The following SORCS3 variants were observed in gnomAD, a reference collection of about 807,000 sequenced individuals.
SORCS3 encodes sortilin related VPS10 domain containing receptor 3, also known as VPS10 domain-containing receptor SorCS3.
A neutral mutation model predicts 146.3 loss-of-function variants in SORCS3; 57 were observed. The observed-to-expected ratio is 0.39, with a 90% confidence interval of 0.31 to 0.49. SORCS3 has a LOEUF of 0.49. Ranked by LOEUF, SORCS3 falls within the 20% of genes least tolerant of loss-of-function variation. SORCS3 has a pLI of 0.92. For missense variants in SORCS3, 1,341 were observed against 1,575.5 expected, an observed-to-expected ratio of 0.85 and a Z score of 2.52; for synonymous variants, 653 against 618.5, an observed-to-expected ratio of 1.06 and a Z score of -0.83.
chr10:104,963,696 C>A (rs1356502535), intron 3 of SORCS3, among the ~76,000 whole-genome samples: 1 of 152,124 alleles, frequency 6.6e-6, no homozygotes, highest in Non-Finnish European at 1.5e-5. Flanking sequence ...TGCTCTTCTA[C>A]TTAACGTCTC....
chr10:104,804,928 T>G (rs1420818482), intron 1 of SORCS3, among the ~76,000 whole-genome samples: 3 of 152,216 alleles, frequency 2.0e-5, no homozygotes, highest in African/African-American at 7.2e-5. Flanking sequence ...CATTCACTTG[T>G]GCATTGATGT....
intron 1 of SORCS3, among the ~76,000 whole-genome samples, chr10:104,777,821 G>A (rs2017326981): frequency 1.3e-5 from 2 of 152,142 alleles, no homozygotes; most frequent in South Asian, 4.2e-4. Flanking sequence ...ATCATTTTAA[G>A]GGTGATGGAT....
At chr10:104,839,430 T>C (rs2018112042) in intron 1 of SORCS3, among the ~76,000 whole-genome samples, 1 of 152,114 alleles carries the variant, frequency 6.6e-6, no homozygotes, top group South Asian at 2.1e-4. Flanking sequence ...AGTGATACAA[T>C]GATAGAGCAT....
At chr10:105,009,069 CTA>C (rs1189539815) in intron 4 of SORCS3, among the ~76,000 whole-genome samples, 46 of 152,292 alleles carry the variant, frequency 3.0e-4, no homozygotes, top group African/African-American at 1.1e-3. Flanking sequence ...TGAGCAGTTA[CTA>C]TATGTCAGTC....
At chr10:104,992,586 G>C (rs2133663957) in intron 4 of SORCS3, among the ~76,000 whole-genome samples, 1 of 152,280 alleles carries the variant, frequency 6.6e-6, no homozygotes, top group Non-Finnish European at 1.5e-5. Context: ...CTTTAGCTCA[G>C]CACATGAAGC....
intron 1 of SORCS3, among the ~76,000 whole-genome samples, chr10:104,803,330 A>G (rs899183136): frequency 1.5e-4 from 23 of 152,160 alleles, no homozygotes; most frequent in Admixed American, 4.6e-4. Context: ...AGTCTCTGTT[A>G]CAGATCCCAA....
chr10:105,033,593 A>G (rs897029909), intron 4 of SORCS3, among the ~76,000 whole-genome samples: 2 of 152,206 alleles, frequency 1.3e-5, no homozygotes, highest in Non-Finnish European at 2.9e-5. Flanking sequence ...TGGAGTTTTG[A>G]TGCATAAGTG....
chr10:104,679,662 A>T (rs2015949088), intron 1 of SORCS3, among the ~76,000 whole-genome samples: 1 of 152,144 alleles, frequency 6.6e-6, no homozygotes, highest in Non-Finnish European at 1.5e-5. Flanking sequence ...TAAGTACTGG[A>T]TTTTGCCTTG....
At chr10:104,681,102 C>T (rs2015968013) in intron 1 of SORCS3, among the ~76,000 whole-genome samples, 1 of 152,252 alleles carries the variant, frequency 6.6e-6, no homozygotes, top group African/African-American at 2.4e-5. Context: ...ATGCCGGTCT[C>T]CCTGCTTTCC....
At chr10:104,767,229 T>C (rs1432297890) in intron 1 of SORCS3, among the ~76,000 whole-genome samples, 1 of 152,182 alleles carries the variant, frequency 6.6e-6, no homozygotes, top group African/African-American at 2.4e-5. Context: ...AGGATTTACA[T>C]AGAGAAAATG....
At chr10:104,836,268 C>T (rs1184422603) in intron 1 of SORCS3, among the ~76,000 whole-genome samples, 1 of 152,034 alleles carries the variant, frequency 6.6e-6, no homozygotes, top group Non-Finnish European at 1.5e-5. Flanking sequence ...CTTGTTAGTT[C>T]CAATACGGAT....
intron 22 of SORCS3, among the ~76,000 whole-genome samples, chr10:105,251,894 A>G (rs960590094): frequency 3.3e-5 from 5 of 152,022 alleles, no homozygotes; most frequent in African/African-American, 4.8e-5. Context: ...TCTTCTATAT[A>G]TTTGTATTTT....
chr10:105,190,163 A>G (rs1042901343), intron 14 of SORCS3, among the ~76,000 whole-genome samples: 3 of 152,218 alleles, frequency 2.0e-5, no homozygotes, highest in African/African-American at 7.2e-5. Flanking sequence ...AAAGAGTAAC[A>G]GCCTTGCTGA....
chr10:104,688,347 TGC>T (rs1019158894), intron 1 of SORCS3, among the ~76,000 whole-genome samples: 2 of 152,112 alleles, frequency 1.3e-5, no homozygotes, highest in African/African-American at 4.8e-5. Context: ...AGGCAGAGGC[TGC>T]GTGTGTGGGG....
At chr10:105,223,891 G>T (rs1261650699) in intron 20 of SORCS3, among the ~76,000 whole-genome samples, 1 of 152,186 alleles carries the variant, frequency 6.6e-6, no homozygotes, top group Non-Finnish European at 1.5e-5. Context: ...TTCCTCAGAG[G>T]TAATGTTCTT....
intron 3 of SORCS3, among the ~76,000 whole-genome samples, chr10:104,921,779 A>C (rs534597211): frequency 1.3e-5 from 2 of 152,248 alleles, no homozygotes; most frequent in South Asian, 2.1e-4. Context: ...GTTCACCTCT[A>C]TCTGCCCACA....
At chr10:104,807,819 T>C (rs2017695970) in intron 1 of SORCS3, among the ~76,000 whole-genome samples, 2 of 152,066 alleles carry the variant, frequency 1.3e-5, no homozygotes, top group African/African-American at 4.8e-5. Flanking sequence ...CATGAGGGAG[T>C]TGTCCTCACA....
At chr10:104,813,929 C>CTTTTT (rs35625517) in intron 1 of SORCS3, among the ~76,000 whole-genome samples, 2 of 116,154 alleles carry the variant, frequency 1.7e-5, no homozygotes, top group African/African-American at 6.0e-5. Context: ...TCTTTTCTTT[C>CTTTTT]TTTTTTTTTT....
chr10:104,882,676 A>G (rs1025394868), intron 2 of SORCS3, among the ~76,000 whole-genome samples: 5 of 152,130 alleles, frequency 3.3e-5, no homozygotes, highest in Non-Finnish European at 7.4e-5. Context: ...TCCTATACCC[A>G]TAACATACAC....
Sources: gnomAD v4.1 joint callset for allele counts (sites outside exome capture counted in the v4.1 genomes callset) on GRCh38, gnomAD v4.1.1 for gene constraint, MANE v1.5 for transcripts, NCBI Gene and HGNC (gene_info 2026-07-23, HGNC 2026-07-21) for gene names.